The following UCKL1 variants were observed in gnomAD, a reference collection of about 807,000 sequenced individuals.
The protein encoded by UCKL1 is uridine-cytidine kinase 1 like 1.
A neutral mutation model predicts 59.2 loss-of-function variants in UCKL1; 65 were observed. The ratio of observed to expected loss-of-function variants is 1.10; its 90% CI spans 0.90 to 1.35. The LOEUF (loss-of-function observed/expected upper bound fraction) is 1.35. Among genes scored for constraint, UCKL1 ranks in the 40% most tolerant of loss-of-function variants. The pLI, the probability that UCKL1 is intolerant of heterozygous loss-of-function variation, is 0.00. For missense variants in UCKL1, 703 were observed against 784.3 expected (o/e 0.90, Z 1.24); for synonymous variants, 410 against 323.1 (o/e 1.27, Z -2.88).
chr20:63,953,858 AGCACACAGGGAGAAAGGAAGGCTCGG>A (rs904489887), intron 1 of UCKL1: 1 of 152,610 alleles, frequency 6.6e-6, no homozygotes, highest in Non-Finnish European at 1.5e-5. Context: ...CACGGGAGAG[AGCACACAGGGAGAAAGGAAGGCTCGG>A]GCACTCCCTT....
At chr20:63,944,339 CGGA>C (rs2055534392) in intron 7 of UCKL1, 55 bp downstream of exon 7, 1 of 1,490,696 alleles carries the variant, frequency 6.7e-7, no homozygotes, top group South Asian at 1.3e-5. Flanking sequence ...GTGGTGGCAG[CGGA>C]GAAGTGGGTA....
At chr20:63,950,868 C>T (rs1295767869) in intron 1 of UCKL1, 1 of 1,462,450 alleles carries the variant, frequency 6.8e-7, no homozygotes. Flanking sequence ...GCAGAGTGGC[C>T]CCAGGGGTGG....
At chr20:63,942,689 C>T (rs1265374487) in intron 8 of UCKL1, 1 of 501,980 alleles carries the variant, frequency 2.0e-6, no homozygotes. Context: ...CTTCCTGGGG[C>T]TGAAGGAAGT....
At chr20:63,940,880 C>T in intron 10 of UCKL1, 24 bp from the exon 11 acceptor site, 2 of 1,528,388 alleles carry the variant, frequency 1.3e-6, no homozygotes, top group East Asian at 4.5e-5. Context: ...GGTGAGGACT[C>T]CGGTGAGCGC....
intron 8 of UCKL1, chr20:63,941,526 C>A: frequency 2.6e-6 from 1 of 388,490 alleles, no homozygotes; most frequent in South Asian, 2.6e-5. Flanking sequence ...GTGGGCCGGG[C>A]ACAGGGCGGG....
chr20:63,942,548 C>G (rs2054876209), intron 8 of UCKL1: 2 of 1,065,544 alleles, frequency 1.9e-6, no homozygotes, highest in Non-Finnish European at 2.4e-6. Flanking sequence ...CGGGGGTTTA[C>G]AGAGAGAAGG....
At chr20:63,948,625 TGAGAGGGAAGGGGCGTGTGTGA>T (rs2056978095) in intron 1 of UCKL1, 6 of 50,014 alleles carry the variant, frequency 1.2e-4, no homozygotes, top group African/African-American at 1.7e-4. Flanking sequence ...GGGGCGTGTG[TGAGAGGGAAGGGGCGTGTGTGA>T]GAGGGAGGGG....
At chr20:63,948,699 G>A (rs551758182) in intron 1 of UCKL1, among the ~76,000 whole-genome samples, 3 of 108,934 alleles carry the variant, frequency 2.8e-5, no homozygotes, top group Admixed American at 2.7e-4. Flanking sequence ...CCGAGGGGGC[G>A]TGTAAGGGAG....
Position 63,941,221 on chromosome 20 carries a change from C to G in UCKL1, c.924-13G>C. 1 of 1,497,518 alleles carries G rather than the reference C, an allele frequency of 6.7e-7. No individual in the cohort carries two copies. The highest frequency in any genetic ancestry group is 8.9e-7 in the Non-Finnish European group (1 of 1,126,266). The allele number at this position is 1,497,518 out of a possible 1,614,324, so 92.8% of individuals were successfully genotyped here. ...GGCCAGCGCAGCCCTGGGGACAAAC[C>G]GATGGGGAACACTCAAGAAGGGGGT... On this transcript the variant is annotated splice_polypyrimidine_tract_variant and intron_variant, in intron 8 of 14. Coordinates refer to ENST00000354216, the MANE Select transcript of UCKL1 (RefSeq NM_017859.4).
intron 1 of UCKL1, 147 bp from the exon 2 acceptor site, chr20:63,946,790 T>C: frequency 1.2e-6 from 1 of 808,320 alleles, no homozygotes; most frequent in East Asian, 2.8e-5. Context: ...ATAAGAACTC[T>C]GCCTGGGCTG....
intron 5 of UCKL1, among the ~76,000 whole-genome samples, chr20:63,945,301 G>C (rs1054294464): frequency 2.0e-5 from 3 of 152,182 alleles, no homozygotes; most frequent in African/African-American, 7.2e-5. Context: ...GCTGTGTCCT[G>C]AAGGCCCCCT....
chr20:63,946,469 T>C lies in UCKL1; in HGVS notation c.288A>G (p.Lys96=), dbSNP rs766307335. 4.5e-6 allele frequency: 7 copies of C among 1,567,284 alleles called. No homozygotes were observed. The highest frequency in any genetic ancestry group is 6.1e-6 in the Non-Finnish European group (7 of 1,155,938). ...TGCTCTCACCGATGGCGAAGGCCTC[T>C]TTGGATTGCGTGCCGTGTTCATTGT... ...PWYNEHGTQS[K]EAFAIGLGGG... Residue 96 remains lysine, a synonymous_variant, in exon 2 of 15, where the codon AAA becomes AAG. Coordinates refer to ENST00000354216, the MANE Select transcript of UCKL1 (RefSeq NM_017859.4).
At position 63,948,005 on chromosome 20, in the gene UCKL1, G is replaced by A. The variant is rs533803857; in HGVS notation, c.114-1362C>T. Among the ~76,000 whole-genome samples, 77 of 152,292 alleles carry A rather than the reference G, an allele frequency of 5.1e-4. No individual in the cohort carries two copies. The East Asian group carries it at 0.015, about 29-fold the overall frequency. On this transcript the variant is annotated intron_variant, in intron 1 of 14. Coordinates refer to ENST00000354216, the MANE Select transcript of UCKL1 (RefSeq NM_017859.4). The stretch of plus-strand genomic sequence containing the variant: ...GAGTGCCCTGCTGGGGGGTTGGGGG[G>A]GCATCAACGTGGCGCCTGCCCAGTC...
chr20:63,953,196 A>G (rs1007146495), intron 1 of UCKL1, among the ~76,000 whole-genome samples: 1 of 152,150 alleles, frequency 6.6e-6, no homozygotes, highest in Admixed American at 6.5e-5. Context: ...CCTGACCAAC[A>G]TGGAGAAACC....
rs2056192583 is a variant in UCKL1 at position 63,946,329 on chromosome 20, C to T, written c.305-62G>A. The T allele has an allele frequency of 4.5e-6, 7 of 1,539,614 alleles. No individual in the cohort carries two copies. In the East Asian group the frequency reaches 1.5e-4, roughly 32 times the overall value. Reference sequence around the variant, plus strand: ...GCAGGCTGCCGGCACAGATAGGTCCCAGAGGTGCCCATCCCGCTGCCGCTG... The same window carrying T: ...GCAGGCTGCCGGCACAGATAGGTCCTAGAGGTGCCCATCCCGCTGCCGCTG... On this transcript the variant is annotated intron_variant, in intron 2 of 14. Transcript: ENST00000354216.
In UCKL1 at chr20:63,940,828, T is replaced by C; in HGVS notation, c.1145A>G (p.Gln382Arg). Residue 382 changes from glutamine (Q) to arginine (R), a missense_variant, in exon 11 of 15, where the codon CAG becomes CGG. This residue lies in a region of UCKL1 where 156 missense variants were observed against 185.6 expected (regional missense o/e 0.84). Coordinates refer to ENST00000354216, the MANE Select transcript of UCKL1 (RefSeq NM_017859.4). ...QDCVVQTPQG[Q>R]DYAGKCYAGK... ...CGCATAGCACTTGCCCGCATAGTCCTGCCCCTGCGGGGTCTGTACGACGCA... is the reference window on the plus strand; with the variant it reads ...CGCATAGCACTTGCCCGCATAGTCCCGCCCCTGCGGGGTCTGTACGACGCA... 6 of 1,566,164 alleles carry C rather than the reference T, an allele frequency of 3.8e-6. No homozygotes were observed. The highest frequency in any genetic ancestry group is 5.2e-6 in the Non-Finnish European group (6 of 1,156,678).
intron 1 of UCKL1, chr20:63,948,562 T>TGTGTGAGAGGGAGGGGC: frequency 1.6e-5 from 1 of 60,618 alleles, no homozygotes. Context: ...GAGGGAGGCG[T>TGTGTGAGAGGGAGGGGC]GTGTGAGAGG....
At position 63,940,587 on chromosome 20, in the gene UCKL1, C is replaced by G. The variant is rs2054110981; in HGVS notation, c.1302+7G>C. ...CCGGGCTCATCACCCCGGCTGCCCC[C>G]AGGCACCTCGGGCTCCCCGGTAAGC... On this transcript the variant is annotated splice_region_variant and intron_variant, in intron 12 of 14. Transcript: ENST00000354216. 6.2e-7 allele frequency: 1 copy of G among 1,607,424 alleles called. No homozygotes were observed. Among genetic ancestry groups the G allele is most frequent in the Non-Finnish European group, 8.5e-7 (1 of 1,179,592 alleles).
chr20:63,946,576 T>C lies in UCKL1; in HGVS notation c.181A>G (p.Thr61Ala). Residue 61 changes from threonine to alanine, a missense_variant, in exon 2 of 15, where the codon ACC (threonine) becomes GCC (alanine). Thr to Ala is a moderately conservative substitution (Grantham distance 58). This residue lies in a region of UCKL1 where 398 missense variants were observed against 373.0 expected (regional missense o/e 1.07). Transcript: ENST00000354216. ...VGTGRSPRKR[T>A]TSQCKSEPPL... ...GGCTCTGACTTGCACTGGCTGGTGG[T>C]CCGCTTCCGGGGAGAGCGCCCAGTG... 5 of 1,611,668 alleles carry C rather than the reference T, an allele frequency of 3.1e-6. No homozygotes were observed. The highest frequency in any genetic ancestry group is 4.2e-6 in the Non-Finnish European group (5 of 1,179,766).
Sources: gnomAD v4.1 joint callset for allele counts (sites outside exome capture counted in the v4.1 genomes callset) on GRCh38, gnomAD v4.1.1 for gene constraint, gnomAD v4.1.1 regional missense constraint, MANE v1.5 for transcripts, NCBI Gene and HGNC (gene_info 2026-07-23, HGNC 2026-07-21) for gene names.